The following MAP7 variants were observed in gnomAD, a reference collection of about 807,000 sequenced individuals.
The protein encoded by MAP7 is microtubule associated protein 7.
In MAP7, 52 loss-of-function variants were observed where a neutral mutation model predicts 94.8. The observed-to-expected ratio is 0.55, with a 90% CI of 0.44 to 0.69. MAP7 has a LOEUF of 0.69. Among genes scored for constraint, MAP7 ranks in the 30% least tolerant of loss-of-function variants. The pLI is 0.00. For missense variants in MAP7, 940 were observed against 964.6 expected, an observed-to-expected ratio of 0.97 and a Z score of 0.34; for synonymous variants, 350 against 357.0, an observed-to-expected ratio of 0.98 and a Z score of 0.22.
intron 1 of MAP7, among the ~76,000 whole-genome samples, chr6:136,509,627 T>C (rs9376191): frequency 0.12 from 17,540 of 152,164 alleles, 2,523 homozygotes; most frequent in African/African-American, 0.34. Flanking sequence ...GGCATGATTA[T>C]AGCTCACTGC....
At chr6:136,533,717 T>C (rs1445424376) in intron 1 of MAP7, among the ~76,000 whole-genome samples, 1 of 152,152 alleles carries the variant, frequency 6.6e-6, no homozygotes, top group African/African-American at 2.4e-5. Flanking sequence ...CACATGGCAA[T>C]GGAGCAAGAG....
At chr6:136,395,199 T>G (rs1782086981) in intron 3 of MAP7, among the ~76,000 whole-genome samples, 1 of 151,624 alleles carries the variant, frequency 6.6e-6, no homozygotes, top group South Asian at 2.1e-4. Context: ...TGTACTGGTG[T>G]TCCCCTTTCT....
At chr6:136,525,904 T>A in intron 1 of MAP7, 3 of 1,535,916 alleles carry the variant, frequency 2.0e-6, no homozygotes, top group Non-Finnish European at 2.6e-6. Flanking sequence ...CCAAGAGGAA[T>A]TGGCCTTGCA....
At chr6:136,532,248 C>T (rs1284808867) in intron 1 of MAP7, among the ~76,000 whole-genome samples, 1 of 152,086 alleles carries the variant, frequency 6.6e-6, no homozygotes, top group Non-Finnish European at 1.5e-5. Flanking sequence ...GGAGGACAAG[C>T]GTTCTCTGTT....
At chr6:136,511,901 T>C (rs1006235447) in intron 1 of MAP7, among the ~76,000 whole-genome samples, 1 of 152,168 alleles carries the variant, frequency 6.6e-6, no homozygotes. Context: ...GCTCTGGCAG[T>C]TCAAGGAAAA....
chr6:136,429,672 G>T (rs765762488), intron 1 of MAP7, among the ~76,000 whole-genome samples: 1 of 152,190 alleles, frequency 6.6e-6, no homozygotes, highest in African/African-American at 2.4e-5. Flanking sequence ...ACTAAAAGCA[G>T]CTCCTCGATT....
intron 1 of MAP7, among the ~76,000 whole-genome samples, chr6:136,499,938 G>A (rs1262517879): frequency 6.6e-6 from 1 of 152,136 alleles, no homozygotes; most frequent in African/African-American, 2.4e-5. Flanking sequence ...CAAGCTGGCA[G>A]TGAGCCATGA....
At chr6:136,375,833 C>T (rs1273664749) in intron 7 of MAP7, among the ~76,000 whole-genome samples, 1 of 152,026 alleles carries the variant, frequency 6.6e-6, no homozygotes, top group Non-Finnish European at 1.5e-5. Context: ...AAATAAAGAG[C>T]CGGTTTGCAG....
chr6:136,494,708 G>A (rs1252716653), intron 1 of MAP7, among the ~76,000 whole-genome samples: 1 of 152,136 alleles, frequency 6.6e-6, no homozygotes, highest in African/African-American at 2.4e-5. Flanking sequence ...ATGAAAGATT[G>A]TATTGACAGG....
chr6:136,446,050 C>G (rs1799231980), intron 1 of MAP7, among the ~76,000 whole-genome samples: 2 of 152,222 alleles, frequency 1.3e-5, no homozygotes, highest in Admixed American at 1.3e-4. Context: ...TCCCACAACC[C>G]CTCCTCATGG....
chr6:136,518,511 GTA>G (rs1190639019), intron 1 of MAP7, among the ~76,000 whole-genome samples: 2 of 152,158 alleles, frequency 1.3e-5, no homozygotes, highest in African/African-American at 2.4e-5. Context: ...GTATAATGGG[GTA>G]TGACTTATCT....
Position 136,372,548 on chromosome 6 carries a change from T to G in MAP7, c.829A>C (p.Thr277Pro), listed in dbSNP as rs757167806. 2 of 1,614,130 alleles carry G rather than the reference T, an allele frequency of 1.2e-6. No homozygotes were observed. Among genetic ancestry groups the G allele is most frequent in the Non-Finnish European group, 1.7e-6 (2 of 1,180,016 alleles). The change falls in exon 8 of 18, where the codon ACA becomes CCA. Residue 277 changes from threonine to proline, a missense_variant. Transcript: ENST00000354570. The stretch of plus-strand genomic sequence containing the variant: ...CTGCGAGAAGAGCCCTCAGGTGGTG[T>G]TACAAAGAGTTTTGGTCGATCCATC... ...NSMDRPKLFVTPPEGSSRRRI... is the reference protein window; with the variant it reads ...NSMDRPKLFVPPPEGSSRRRI...
chr6:136,415,797 A>G (rs1442594284), intron 2 of MAP7, among the ~76,000 whole-genome samples: 1 of 152,252 alleles, frequency 6.6e-6, no homozygotes, highest in Non-Finnish European at 1.5e-5. Context: ...GGACTGCAGT[A>G]GTTCCTGGCT....
intron 1 of MAP7, among the ~76,000 whole-genome samples, chr6:136,448,157 A>C (rs1582941438): frequency 6.6e-6 from 1 of 152,076 alleles, no homozygotes; most frequent in Non-Finnish European, 1.5e-5. Context: ...ACGCCACTGC[A>C]CTCCAGCCTG....
intron 1 of MAP7, among the ~76,000 whole-genome samples, chr6:136,458,974 G>A (rs1804284927): frequency 6.6e-6 from 1 of 151,894 alleles, no homozygotes; most frequent in Non-Finnish European, 1.5e-5. Flanking sequence ...TACAAAATGG[G>A]GAGAAAATAA....
At chr6:136,521,142 G>A (rs1164934201) in intron 1 of MAP7, among the ~76,000 whole-genome samples, 1 of 152,166 alleles carries the variant, frequency 6.6e-6, no homozygotes, top group East Asian at 1.9e-4. Context: ...GGGTGGCTGT[G>A]TCTTCCAATT....
intron 1 of MAP7, among the ~76,000 whole-genome samples, chr6:136,482,099 G>T (rs919724515): frequency 1.3e-5 from 2 of 152,142 alleles, no homozygotes; most frequent in Non-Finnish European, 2.9e-5. Flanking sequence ...AGTCAGAAAG[G>T]CTCTTATTAA....
intron 1 of MAP7, among the ~76,000 whole-genome samples, chr6:136,440,623 G>A (rs955831827): frequency 7.9e-5 from 12 of 151,980 alleles, no homozygotes; most frequent in African/African-American, 2.9e-4. Flanking sequence ...CTTGTTGCAA[G>A]GAGGAAACTA....
intron 1 of MAP7, among the ~76,000 whole-genome samples, chr6:136,547,389 G>A (rs913746008): frequency 6.6e-6 from 1 of 152,166 alleles, no homozygotes; most frequent in Non-Finnish European, 1.5e-5. Flanking sequence ...CAGGCTATCA[G>A]ACTAGGAAAT....
Sources: gnomAD v4.1 joint callset for allele counts (sites outside exome capture counted in the v4.1 genomes callset) on GRCh38, gnomAD v4.1.1 for gene constraint, MANE v1.5 for transcripts, NCBI Gene and HGNC (gene_info 2026-07-23, HGNC 2026-07-21) for gene names.